Variants in DIAPH2 observed in about 807,000 individuals in gnomAD.
DIAPH2 encodes the protein diaphanous related formin 2.
DIAPH2 carries 35 observed loss-of-function variants against 92.7 expected under a neutral mutation model. The ratio of observed to expected loss-of-function variants is 0.38; its 90% CI spans 0.29 to 0.50. DIAPH2 has a LOEUF of 0.50. Ranked by LOEUF, DIAPH2 falls within the 20% of genes least tolerant of loss-of-function variation. The probability of loss-of-function intolerance (pLI) is 0.94; values close to 1 mark genes in which losing one functional copy is unlikely to be tolerated. For synonymous variants in DIAPH2, 301 were observed against 280.4 expected (o/e 1.07, Z -0.73); for missense variants, 701 against 819.5 (o/e 0.86, Z 1.77).
intron 17 of DIAPH2, among the ~76,000 whole-genome samples, chrX:97,038,151 C>T (rs774431902): frequency 6.5e-4 from 72 of 111,135 alleles, no homozygotes; most frequent in African/African-American, 2.2e-3. Flanking sequence ...AGGATAGTGG[C>T]CTCCGGTTCC....
rs112239734 is a variant in DIAPH2 at position 97,132,224 on chromosome X, A to G, written c.2590-9441A>G. On this transcript the variant is annotated intron_variant, in intron 21 of 26. Coordinates refer to ENST00000324765, the MANE Select transcript of DIAPH2 (RefSeq NM_006729.5). ...ATTATCTGTTTCCTTTTGGTTGGAA[A>G]TATCATTATAATACCAAACTAAAGG... 2.7e-3 allele frequency among the ~76,000 whole-genome samples: 305 copies of G among 111,472 alleles called. 5 individuals are homozygous for G. The highest frequency in any genetic ancestry group is 9.3e-3 in the African/African-American group (286 of 30,683).
At chrX:97,378,840 A>G (rs774416090) in intron 24 of DIAPH2, among the ~76,000 whole-genome samples, 12 of 112,171 alleles carry the variant, frequency 1.1e-4, no homozygotes, top group African/African-American at 2.9e-4. Context: ...TTGTTGCCAA[A>G]TCATTTCTCT....
chrX:97,184,733 A>C (rs1229853352), intron 22 of DIAPH2, among the ~76,000 whole-genome samples: 1 of 111,921 alleles, frequency 8.9e-6, no homozygotes, highest in East Asian at 2.8e-4. Flanking sequence ...ACAACATGCA[A>C]ACTAATACTC....
At chrX:97,167,223 A>C (rs2067418909) in intron 22 of DIAPH2, among the ~76,000 whole-genome samples, 1 of 88,999 alleles carries the variant, frequency 1.1e-5, no homozygotes, top group Admixed American at 1.3e-4. Context: ...CTAGGGCGCT[A>C]TTCTGAAACT....
chrX:97,253,609 G>A (rs926946230), intron 23 of DIAPH2, among the ~76,000 whole-genome samples: 1 of 109,860 alleles, frequency 9.1e-6, no homozygotes, highest in Non-Finnish European at 1.9e-5. Context: ...AATTAGCCAG[G>A]CATGGTGGTG....
chrX:97,584,744 G>A (rs1013492644), intron 26 of DIAPH2, among the ~76,000 whole-genome samples: 1 of 112,405 alleles, frequency 8.9e-6, no homozygotes, highest in African/African-American at 3.2e-5. Flanking sequence ...GAGAAGGCTA[G>A]GATTGGAATA....
chrX:96,789,287 G>A (rs2064482140), intron 4 of DIAPH2, among the ~76,000 whole-genome samples: 2 of 111,759 alleles, frequency 1.8e-5, no homozygotes, highest in South Asian at 3.8e-4. Flanking sequence ...ATTGGGGGCC[G>A]GTTATGTAGA....
At position 96,685,031 on chromosome X, in the gene DIAPH2, A is replaced by C; in HGVS notation, c.-28A>C. 5 of 975,704 alleles carry C rather than the reference A, an allele frequency of 5.1e-6. No homozygotes were observed. Among genetic ancestry groups the C allele is most frequent in the Non-Finnish European group, 6.5e-6 (5 of 772,083 alleles). The allele number at this position is 975,704 out of a possible 1,213,427, so 80.4% of individuals were successfully genotyped here. ...CTCAGTTGAGGAGAGGTGGGGTTAC[A>C]GGGCACAGGTGACAGGGCCGGAGAA... On this transcript the variant is annotated 5_prime_UTR_variant, in exon 1 of 27. Transcript: ENST00000324765.
chrX:96,871,488 A>AAAAAAAAAG (rs2065142448), intron 4 of DIAPH2, among the ~76,000 whole-genome samples: 1 of 107,668 alleles, frequency 9.3e-6, no homozygotes, highest in African/African-American at 3.4e-5. Context: ...AAAAAAAAAA[A>AAAAAAAAAG]AAAAAAGGTA....
Position 97,099,705 on chromosome X carries a change from A to G in DIAPH2, c.2259A>G (p.Lys753=). Residue 753 remains lysine (K), a synonymous_variant, in exon 20 of 27, where the codon AAA becomes AAG. Transcript: ENST00000324765. The stretch of plus-strand genomic sequence containing the variant: ...TTATTTCTTTTTAGAACCTTGTGAA[A>G]CATCTTCCTGAGCAGAAGATACTCA... The part of the protein sequence containing the change: ...LSEALIQNLV[K]HLPEQKILNE... 8.6e-7 allele frequency: 1 copy of G among 1,167,738 alleles called. No homozygotes were observed. Among genetic ancestry groups the G allele is most frequent in the Non-Finnish European group, 1.1e-6 (1 of 873,578 alleles).
At chrX:96,784,815 A>T (rs2064443417) in intron 4 of DIAPH2, among the ~76,000 whole-genome samples, 1 of 112,088 alleles carries the variant, frequency 8.9e-6, no homozygotes, top group Admixed American at 9.5e-5. Flanking sequence ...GTAAATCATC[A>T]ATGCAGAGTG....
chrX:97,454,470 C>T (rs1569401756), intron 26 of DIAPH2, among the ~76,000 whole-genome samples: 1 of 111,642 alleles, frequency 9.0e-6, no homozygotes, highest in Non-Finnish European at 1.9e-5. Flanking sequence ...GTCTTTGTGG[C>T]TATACCATGG....
At position 96,810,672 on chromosome X, in the gene DIAPH2, A is replaced by G. The variant is rs753801187; in HGVS notation, c.447+52414A>G. 4.5e-5 allele frequency among the ~76,000 whole-genome samples: 5 copies of G among 111,542 alleles called. No individual in the cohort carries two copies. The East Asian group carries it at 1.4e-3, about 31-fold the overall frequency. ...TTTAGGTCTAACGTTTAAGTCTTTA[A>G]TCCATCTTGAATTAATTTTTGTATA... is the stretch of plus-strand genomic sequence containing the variant. On this transcript the variant is annotated intron_variant, in intron 4 of 26. Transcript: ENST00000324765.
In DIAPH2 at chrX:96,965,146, C is replaced by A; in HGVS notation, c.1989C>A (p.Asp663Glu). 3 of 1,196,479 alleles carry A rather than the reference C, an allele frequency of 2.5e-6. No homozygotes were observed. Among genetic ancestry groups the A allele is most frequent in the Non-Finnish European group, 3.4e-6 (3 of 887,673 alleles). Residue 663 changes from aspartate (D) to glutamate (E), a missense_variant, in exon 17 of 27, where the codon GAC becomes GAA. Around this residue, in one of 3 missense-constraint regions of DIAPH2, gnomAD observed 536 missense variants for 599.3 expected, o/e 0.89. Coordinates refer to ENST00000324765, the MANE Select transcript of DIAPH2 (RefSeq NM_006729.5). ...GTTTCTGGTTAAGAGTCAAAGAAGA[C>A]AAGTTTGAGAATCCAGATCTCTTTG... ...ENCFWLRVKEDKFENPDLFAK... is the reference protein window; with the variant it reads ...ENCFWLRVKEEKFENPDLFAK...
chrX:97,518,330 A>C (rs915663525), intron 26 of DIAPH2, among the ~76,000 whole-genome samples: 1 of 111,466 alleles, frequency 9.0e-6, no homozygotes, highest in African/African-American at 3.3e-5. Context: ...AGCTTCATTT[A>C]CACGTAGCTG....
Position 97,338,958 on chromosome X carries a change from CA to C in DIAPH2, c.2845-9154del, listed in dbSNP as rs746853060. Among the ~76,000 whole-genome samples, 36 of 111,676 alleles carry C rather than the reference CA, an allele frequency of 3.2e-4. 1 individual carries two copies. Among genetic ancestry groups the C allele is most frequent in the African/African-American group, 1.0e-3 (32 of 30,741 alleles). On this transcript the variant is annotated intron_variant, in intron 23 of 26. Coordinates refer to ENST00000324765, the MANE Select transcript of DIAPH2 (RefSeq NM_006729.5). ...CCTGCCTTCAGCTACCTGAAATAGT[CA>C]AAACCAATATAAATGTACATTAAAG...
chrX:97,357,303 C>A lies in DIAPH2; in HGVS notation c.3009+9023C>A, dbSNP rs752010051. ...CTACTGGTGGCACCCTCTCAGCTGG[C>A]TGAATTTTTCTTCATTCTGCTTCAT... On this transcript the variant is annotated intron_variant, in intron 24 of 26. Transcript: ENST00000324765. Among the ~76,000 whole-genome samples, 4 of 111,826 alleles carry A rather than the reference C, an allele frequency of 3.6e-5. No homozygotes were observed. In the East Asian group the frequency reaches 1.1e-3, roughly 31 times the overall value.
At chrX:97,269,562 G>A (rs1829236624) in intron 23 of DIAPH2, among the ~76,000 whole-genome samples, 1 of 111,437 alleles carries the variant, frequency 9.0e-6, no homozygotes, top group African/African-American at 3.3e-5. Context: ...GCTGCGAAAA[G>A]GAATTCTAGA....
intron 4 of DIAPH2, among the ~76,000 whole-genome samples, chrX:96,880,871 G>A (rs1429531814): frequency 9.0e-6 from 1 of 111,429 alleles, no homozygotes; most frequent in Non-Finnish European, 1.9e-5. Flanking sequence ...TGAAGTTAAG[G>A]AGCTGTGATG....
Sources: allele counts gnomAD v4.1 joint callset (sites outside exome capture counted in the v4.1 genomes callset), GRCh38; gene constraint gnomAD v4.1.1; regional missense constraint gnomAD v4.1.1; transcripts MANE v1.5; gene names NCBI Gene and HGNC (gene_info 2026-07-23, HGNC 2026-07-21).